The following NUP155 variants were observed in gnomAD, a reference collection of about 807,000 sequenced individuals.
NUP155 encodes the protein nucleoporin 155.
NUP155 carries 71 observed loss-of-function variants against 180.4 expected under a neutral mutation model. The ratio of observed to expected loss-of-function variants is 0.39; its 90% CI spans 0.33 to 0.48. The LOEUF is 0.48. Ranked by LOEUF, NUP155 falls within the 20% of genes least tolerant of loss-of-function variation. The pLI is 0.91. For missense variants in NUP155, 1,553 were observed against 1,648.9 expected (o/e 0.94, Z 1.01); for synonymous variants, 582 against 559.5 (o/e 1.04, Z -0.57).
At chr5:37,321,564 A>AAAATTAGCCAGGCT (rs888115660) in intron 20 of NUP155, among the ~76,000 whole-genome samples, 3 of 151,908 alleles carry the variant, frequency 2.0e-5, no homozygotes, top group African/African-American at 7.3e-5. Context: ...TAAAAATACA[A>AAAATTAGCCAGGCT]AAATTAGCCA....
chr5:37,306,561 G>A (rs775697012), intron 25 of NUP155, among the ~76,000 whole-genome samples: 2 of 152,050 alleles, frequency 1.3e-5, no homozygotes, highest in African/African-American at 2.4e-5. Flanking sequence ...TCTGCCTCCC[G>A]GGTTAAAGCA....
At chr5:37,345,466 G>A (rs558362709) in intron 9 of NUP155, among the ~76,000 whole-genome samples, 4 of 138,652 alleles carry the variant, frequency 2.9e-5, no homozygotes, top group South Asian at 2.2e-4. Flanking sequence ...AGCCACGATC[G>A]CACCACTGTA....
At chr5:37,360,285 C>T (rs559299583) in intron 3 of NUP155, among the ~76,000 whole-genome samples, 53 of 151,602 alleles carry the variant, frequency 3.5e-4, no homozygotes, top group South Asian at 1.0e-3. Flanking sequence ...AGATCGAGAC[C>T]GTCCTGGCCA....
Position 37,327,727 on chromosome 5 carries a change from T to C in NUP155, c.1926A>G (p.Pro642=), listed in dbSNP as rs777527153. 1.2e-6 allele frequency: 2 copies of C among 1,614,150 alleles called. No individual in the cohort carries two copies. The highest frequency in any genetic ancestry group is 1.7e-6 in the Non-Finnish European group (2 of 1,180,018). Residue 642 remains proline, a synonymous_variant, in exon 18 of 35, where the codon CCA becomes CCG. Coordinates refer to ENST00000231498, the MANE Select transcript of NUP155 (RefSeq NM_153485.3). ...AACTCATATTTGTGGCCTGAGTTGC[T>C]GGGTTTCCCAGAGCACACACTGGAG... The part of the protein sequence containing the change: ...MSTPVCALGN[P]ATQATNMSCV...
intron 11 of NUP155, 104 bp downstream of exon 11, chr5:37,340,986 G>T: frequency 1.0e-6 from 1 of 990,804 alleles, no homozygotes; most frequent in South Asian, 1.4e-5. Context: ...GTAGTTCCCA[G>T]TTTCTACTGT....
intron 9 of NUP155, among the ~76,000 whole-genome samples, chr5:37,343,022 T>G (rs984924686): frequency 6.6e-6 from 1 of 152,224 alleles, no homozygotes; most frequent in African/African-American, 2.4e-5. Context: ...GGATTGGGAT[T>G]ACAGGCGTGA....
intron 18 of NUP155, 41 bp from the exon 19 acceptor site, chr5:37,326,008 T>A: frequency 7.7e-7 from 1 of 1,300,036 alleles, no homozygotes; most frequent in Non-Finnish European, 1.1e-6. Flanking sequence ...TGTAAATGAA[T>A]AAAAACAATT....
intron 11 of NUP155, among the ~76,000 whole-genome samples, chr5:37,338,913 A>T (rs1745532219): frequency 6.6e-6 from 1 of 152,112 alleles, no homozygotes; most frequent in South Asian, 2.1e-4. Context: ...TTAATTTTAT[A>T]AAAATATACT....
Position 37,365,711 on chromosome 5 carries a change from G to GGAAAAAAAAAAAAAA in NUP155, c.158-1328_158-1327insTTTTTTTTTTTTTTC, listed in dbSNP as rs1491216296. 1.2e-4 allele frequency among the ~76,000 whole-genome samples: 4 copies of GGAAAAAAAAAAAAAA among 34,004 alleles called. 1 individual carries two copies. The highest frequency in any genetic ancestry group is 9.5e-5 in the Non-Finnish European group (2 of 21,130). 22.3% of individuals were successfully genotyped at this position (34,004 alleles called of 152,430 possible). A position where few individuals can be genotyped will look rare whatever the true frequency, so the allele number is the denominator to read the frequency against. On this transcript the variant is annotated intron_variant, in intron 1 of 34. Transcript: ENST00000231498. ...TGACAGAGCAAGACTCTGTCTCGGG[G>GGAAAAAAAAAAAAAA]AGAAAAAAAAAAAAAAAAAAAAAAA...
At chr5:37,310,869 A>G (rs1743483787) in intron 22 of NUP155, 126 bp from the exon 23 acceptor site, 3 of 787,924 alleles carry the variant, frequency 3.8e-6, no homozygotes, top group Admixed American at 5.8e-5. Flanking sequence ...GCGAAAATAT[A>G]CTAATTAGTA....
In NUP155 at chr5:37,342,570, A is replaced by G; in HGVS notation, c.1072T>C (p.Leu358=). ...ATACCTGCATGTGTGACAGCCAATAACTGACAGTCCAGTGATTCAGAATTT... is the reference window on the plus strand; with the variant it reads ...ATACCTGCATGTGTGACAGCCAATAGCTGACAGTCCAGTGATTCAGAATTT... ...IENSESLDCQ[L]LAVTHAGVRL... The change falls in exon 10 of 35, where the codon TTA becomes CTA. Residue 358 remains leucine (L), a synonymous_variant. Coordinates refer to ENST00000231498, the MANE Select transcript of NUP155 (RefSeq NM_153485.3). The G allele has an allele frequency of 6.2e-7, 1 of 1,611,476 alleles. No individual in the cohort carries two copies. Among genetic ancestry groups the G allele is most frequent in the Non-Finnish European group, 8.5e-7 (1 of 1,177,614 alleles).
At chr5:37,297,729 C>T (rs1268519353) in intron 32 of NUP155, among the ~76,000 whole-genome samples, 1 of 151,982 alleles carries the variant, frequency 6.6e-6, no homozygotes, top group South Asian at 2.1e-4. Context: ...GTTTCACACA[C>T]TTATAAACAT....
chr5:37,313,473 A>ATGTGTGTG (rs34904169), intron 22 of NUP155, among the ~76,000 whole-genome samples: 5 of 143,532 alleles, frequency 3.5e-5, no homozygotes, highest in South Asian at 2.3e-4. Context: ...AGTGGTGTAT[A>ATGTGTGTG]TGTGTGTGTG....
At chr5:37,306,980 T>C (rs780695217) in intron 25 of NUP155, among the ~76,000 whole-genome samples, 1 of 151,332 alleles carries the variant, frequency 6.6e-6, no homozygotes, top group Admixed American at 6.6e-5. Flanking sequence ...GGTGGATCAC[T>C]TGAGGTTAGG....
chr5:37,314,085 T>C, intron 22 of NUP155, 113 bp downstream of exon 22: 1 of 785,916 alleles, frequency 1.3e-6, no homozygotes, highest in Non-Finnish European at 2.1e-6. Context: ...ACATACTAAC[T>C]TCATCATAAC....
chr5:37,337,005 T>C (rs1273594558), intron 12 of NUP155, among the ~76,000 whole-genome samples: 1 of 152,160 alleles, frequency 6.6e-6, no homozygotes, highest in African/African-American at 2.4e-5. Flanking sequence ...CTGGTTTATC[T>C]GGTTTGATCA....
chr5:37,304,863 A>T lies in NUP155; in HGVS notation c.3058-20T>A, dbSNP rs576064302. On this transcript the variant is annotated intron_variant, in intron 26 of 34. Transcript: ENST00000231498. Reference sequence around the variant, plus strand: ...TTCAAACTAAAATAAAGAAAATAGTAAAAATTAGCAGTTAAAGGCTCTGTT... The same window carrying T: ...TTCAAACTAAAATAAAGAAAATAGTTAAAATTAGCAGTTAAAGGCTCTGTT... The T allele has an allele frequency of 1.9e-5, 30 of 1,601,294 alleles. No individual in the cohort carries two copies. The African/African-American group carries it at 3.9e-4, about 21-fold the overall frequency.
chr5:37,359,592 T>C (rs759910626), intron 3 of NUP155, among the ~76,000 whole-genome samples: 11 of 152,152 alleles, frequency 7.2e-5, no homozygotes, highest in Non-Finnish European at 1.3e-4. Flanking sequence ...TGCTATACCT[T>C]AGCCAAGGAA....
In NUP155 at chr5:37,303,418, G is replaced by T. The variant is rs1742973721; in HGVS notation, c.3163-4C>A. ...GCTCCAGAAATGGAGAAGCAACCTA[G>T]AAATTATATAGTTATTCAGAAAAAT... On this transcript the variant is annotated splice_polypyrimidine_tract_variant and splice_region_variant and intron_variant, in intron 27 of 34. Transcript: ENST00000231498. 1 of 1,613,340 alleles carries T rather than the reference G, an allele frequency of 6.2e-7. No individual in the cohort carries two copies. Among genetic ancestry groups the T allele is most frequent in the African/African-American group, 1.3e-5 (1 of 74,920 alleles).
Sources: gnomAD v4.1 joint callset for allele counts (sites outside exome capture counted in the v4.1 genomes callset) on GRCh38, gnomAD v4.1.1 for gene constraint, MANE v1.5 for transcripts, NCBI Gene and HGNC (gene_info 2026-07-23, HGNC 2026-07-21) for gene names.